NETO2: variants seen among roughly 807,000 people sequenced by gnomAD.
NETO2 encodes neuropilin and tolloid-like protein 2.
Under a neutral mutation model 62.5 loss-of-function variants are expected in NETO2, and 28 were observed. The ratio of observed to expected loss-of-function variants is 0.45; its 90% CI spans 0.33 to 0.61. The LOEUF is 0.61. Ranked by LOEUF, NETO2 falls within the 20% of genes least tolerant of loss-of-function variation. The probability of loss-of-function intolerance (pLI) is 0.02; values close to 1 mark genes in which losing one functional copy is unlikely to be tolerated. For missense variants in NETO2, 548 were observed against 643.2 expected, an observed-to-expected ratio of 0.85 and a Z score of 1.60; for synonymous variants, 214 against 219.1, an observed-to-expected ratio of 0.98 and a Z score of 0.21.
chr16:47,113,685 G>A (rs1307333871), intron 6 of NETO2, among the ~76,000 whole-genome samples: 2 of 147,434 alleles, frequency 1.4e-5, no homozygotes, highest in East Asian at 4.0e-4. Flanking sequence ...TCCGCCTCAA[G>A]GATTCAAGCA....
intron 7 of NETO2, among the ~76,000 whole-genome samples, chr16:47,088,711 T>G (rs1963250149): frequency 6.6e-6 from 1 of 152,160 alleles, no homozygotes; most frequent in Non-Finnish European, 1.5e-5. Flanking sequence ...TTTTCTCCCC[T>G]CCAAAGAGAA....
intron 6 of NETO2, among the ~76,000 whole-genome samples, chr16:47,115,697 T>TTATATATATATATATACA (rs1192319613): frequency 5.9e-5 from 7 of 117,854 alleles, no homozygotes; most frequent in South Asian, 2.3e-4. Context: ...CGGCTAATTT[T>TTATATATATATATATACA]TATATATATA....
At chr16:47,107,434 C>A (rs992990343) in intron 7 of NETO2, among the ~76,000 whole-genome samples, 1 of 152,070 alleles carries the variant, frequency 6.6e-6, no homozygotes. Flanking sequence ...AAGAACTGTA[C>A]GTAAGGTATT....
chr16:47,082,583 A>C lies in NETO2; in HGVS notation c.*638T>G, dbSNP rs1325550679. 6.6e-6 allele frequency: 1 copy of C among 152,258 alleles called. No individual in the cohort carries two copies. The highest frequency in any genetic ancestry group is 1.5e-5 in the Non-Finnish European group (1 of 68,042). 9.4% of individuals were successfully genotyped at this position (152,258 alleles called of 1,614,324 possible). ...CATCTATTATTTCTCACAGAAAATA[A>C]GGAATAAGGGCCCAGTAATTAAAAG... is the stretch of plus-strand genomic sequence containing the variant. On this transcript the variant is annotated 3_prime_UTR_variant, in exon 9 of 9. Coordinates refer to ENST00000562435, the MANE Select transcript of NETO2 (RefSeq NM_018092.5).
At chr16:47,106,129 G>A (rs1479534448) in intron 7 of NETO2, among the ~76,000 whole-genome samples, 3 of 146,038 alleles carry the variant, frequency 2.1e-5, no homozygotes, top group Non-Finnish European at 4.4e-5. Flanking sequence ...ACCATGGAAA[G>A]ATTTCATGGA....
chr16:47,093,261 T>G (rs1005724740), intron 7 of NETO2, among the ~76,000 whole-genome samples: 1 of 152,214 alleles, frequency 6.6e-6, no homozygotes, highest in Non-Finnish European at 1.5e-5. Flanking sequence ...GCTTCAATGC[T>G]TTGCTCATTA....
At chr16:47,094,526 C>T (rs112663771) in intron 7 of NETO2, among the ~76,000 whole-genome samples, 8,014 of 145,484 alleles carry the variant, frequency 0.055, 289 homozygotes, top group Non-Finnish European at 0.086. Context: ...CCCGGGTTCA[C>T]GCCATTCTCC....
intron 7 of NETO2, among the ~76,000 whole-genome samples, chr16:47,101,764 T>C (rs956719784): frequency 2.0e-5 from 3 of 152,166 alleles, no homozygotes; most frequent in African/African-American, 7.2e-5. Flanking sequence ...TACAAACCAC[T>C]GCTCAAGGAA....
rs918276282 is a variant in NETO2, at chr16:47,143,453, G to A, written c.34+126C>T. The A allele has an allele frequency of 2.7e-6, 3 of 1,118,816 alleles. No homozygotes were observed. In the East Asian group the frequency reaches 1.1e-4, roughly 41 times the overall value. The allele number at this position is 1,118,816 out of a possible 1,614,324, so 69.3% of individuals were successfully genotyped here. A position where few individuals can be genotyped will look rare whatever the true frequency, so the allele number is the denominator to read the frequency against. On this transcript the variant is annotated intron_variant, in intron 1 of 8. Transcript: ENST00000562435. ...CGCGGTCCGCTCCGAGTAGCCGCGA[G>A]CCCCGCCAGACAAAGAGGCGCGTCG... is the stretch of plus-strand genomic sequence containing the variant.
intron 6 of NETO2, among the ~76,000 whole-genome samples, chr16:47,121,514 A>G (rs1964040352): frequency 2.0e-5 from 3 of 152,190 alleles, no homozygotes; most frequent in Admixed American, 2.0e-4. Context: ...GTATAAAGCT[A>G]GGGGGGACCC....
chr16:47,118,918 C>T (rs143499833), intron 6 of NETO2, among the ~76,000 whole-genome samples: 106 of 152,210 alleles, frequency 7.0e-4, no homozygotes, highest in African/African-American at 2.4e-3. Flanking sequence ...TCAGTTCCCT[C>T]CATTTATAGT....
rs1441603718 is a variant in NETO2, at chr16:47,086,324, C to T, written c.899G>A (p.Ser300Asn). 1.2e-6 allele frequency: 2 copies of T among 1,613,398 alleles called. No individual in the cohort carries two copies. The highest frequency in any genetic ancestry group is 1.7e-6 in the Non-Finnish European group (2 of 1,179,578). The part of the protein sequence containing the change: ...TSFVEPPCTS[S>N]TFFCHSNMCI... ...CATGTTGCTATGGCAAAAGAAAGTG[C>T]TGCTTGTGCAGGGAGCTGCAGGAAG... is the stretch of plus-strand genomic sequence containing the variant. Residue 300 changes from serine to asparagine, a missense_variant, in exon 8 of 9, where the codon AGC becomes AAC. Physicochemically the swap from Ser to Asn is conservative, Grantham distance 46. Transcript: ENST00000562435.
At chr16:47,096,613 GC>G (rs1275845590) in intron 7 of NETO2, among the ~76,000 whole-genome samples, 3 of 152,004 alleles carry the variant, frequency 2.0e-5, no homozygotes, top group Admixed American at 6.6e-5. Flanking sequence ...ATCTGAATAG[GC>G]CTAAAACTAG....
rs926276261 is a variant in NETO2, at chr16:47,078,403, G to C, written c.*4818C>G. 3.3e-5 allele frequency: 5 copies of C among 152,170 alleles called. No homozygotes were observed. Among genetic ancestry groups the C allele is most frequent in the Admixed American group, 6.5e-5 (1 of 15,284 alleles). 9.4% of individuals were successfully genotyped at this position (152,170 alleles called of 1,614,324 possible). A position where few individuals can be genotyped will look rare whatever the true frequency, so the allele number is the denominator to read the frequency against. On this transcript the variant is annotated 3_prime_UTR_variant, in exon 9 of 9. Transcript: ENST00000562435. ...ATTAAGCATATTCTCATATGGCCTG[G>C]AAGTTCATCTCTAATAAAAATCTAC...
At chr16:47,085,833 C>A (rs893912210) in intron 8 of NETO2, among the ~76,000 whole-genome samples, 11 of 151,564 alleles carry the variant, frequency 7.3e-5, no homozygotes, top group Non-Finnish European at 1.3e-4. Context: ...AGGCTGGGCG[C>A]GGTGGCTCAT....
At chr16:47,123,168 G>GT (rs2151486605) in intron 4 of NETO2, among the ~76,000 whole-genome samples, 1 of 152,250 alleles carries the variant, frequency 6.6e-6, no homozygotes, top group South Asian at 2.1e-4. Flanking sequence ...AGTTGAACAG[G>GT]TAAACGGAAC....
chr16:47,081,567 AT>A lies in NETO2; in HGVS notation c.*1653del, dbSNP rs1460194908. 1 of 152,572 alleles carries A rather than the reference AT, an allele frequency of 6.6e-6. No individual in the cohort carries two copies. The highest frequency in any genetic ancestry group is 1.5e-5 in the Non-Finnish European group (1 of 67,978). 9.5% of individuals were successfully genotyped at this position (152,572 alleles called of 1,614,324 possible). On this transcript the variant is annotated 3_prime_UTR_variant, in exon 9 of 9. Transcript: ENST00000562435. The stretch of plus-strand genomic sequence containing the variant: ...TATGTGTATTAAATTTAAGGTCACA[AT>A]TTTCACTAATCTGAGAAAACACATA...
At chr16:47,115,653 G>A (rs372726333) in intron 6 of NETO2, among the ~76,000 whole-genome samples, 5 of 144,876 alleles carry the variant, frequency 3.5e-5, no homozygotes, top group East Asian at 3.9e-4. Context: ...TCAGCCTCCC[G>A]GGTAGCTGGG....
At chr16:47,094,862 C>T (rs752884705) in intron 7 of NETO2, among the ~76,000 whole-genome samples, 3 of 152,146 alleles carry the variant, frequency 2.0e-5, no homozygotes, top group South Asian at 2.1e-4. Flanking sequence ...CATACCACCA[C>T]GCCCAGCTAA....
Sources: allele counts gnomAD v4.1 joint callset (sites outside exome capture counted in the v4.1 genomes callset), GRCh38; gene constraint gnomAD v4.1.1; transcripts MANE v1.5; gene names NCBI Gene and HGNC (gene_info 2026-07-23, HGNC 2026-07-21).